Variants in RFX2 observed in about 807,000 individuals in gnomAD.
RFX2 encodes DNA-binding protein RFX2.
A neutral mutation model predicts 87.8 loss-of-function variants in RFX2; 20 were observed. The ratio of observed to expected loss-of-function variants is 0.23; its 90% CI spans 0.16 to 0.33. The LOEUF (loss-of-function observed/expected upper bound fraction) is 0.33. RFX2 is among the 10% of genes least tolerant of loss of function. The probability of loss-of-function intolerance (pLI) is 1.00; values close to 1 mark genes in which losing one functional copy is unlikely to be tolerated. For missense variants in RFX2, 767 were observed against 1,012.3 expected, an observed-to-expected ratio of 0.76 and a Z score of 3.29; for synonymous variants, 397 against 431.3, an observed-to-expected ratio of 0.92 and a Z score of 0.98.
intron 1 of RFX2, among the ~76,000 whole-genome samples, chr19:6,086,677 G>C (rs552537181): frequency 5.9e-5 from 9 of 152,346 alleles, no homozygotes; most frequent in Admixed American, 2.0e-4. Context: ...GAAGCTCACA[G>C]GAATTAGATG....
In RFX2 at chr19:6,061,511, G is replaced by A. The variant is rs540484199; in HGVS notation, c.-8-14007C>T. On this transcript the variant is annotated intron_variant, in intron 1 of 17. Coordinates refer to ENST00000303657, the MANE Select transcript of RFX2 (RefSeq NM_000635.4). This position sits in a 1 kb window ranked among gnomAD's most constrained non-coding sequence, Gnocchi z 5.2. The stretch of plus-strand genomic sequence containing the variant: ...AGACCTTGTCACCTGAAGACTGTCC[G>A]TAGGCAGGCAGAGAGCCCTGCCCCA... Among the ~76,000 whole-genome samples the A allele has an allele frequency of 9.5e-4, 145 of 152,320 alleles. 1 individual carries two copies. Among genetic ancestry groups the A allele is most frequent in the Non-Finnish European group, 1.4e-3 (93 of 68,020 alleles).
At chr19:6,067,206 C>A (rs538067995) in intron 1 of RFX2, among the ~76,000 whole-genome samples, 18 of 152,258 alleles carry the variant, frequency 1.2e-4, no homozygotes, top group Non-Finnish European at 2.2e-4. Flanking sequence ...CATAGCTGCA[C>A]AAGTGTTTTC....
intron 1 of RFX2, among the ~76,000 whole-genome samples, chr19:6,058,925 A>G (rs2087387898): frequency 6.6e-6 from 1 of 151,718 alleles, no homozygotes; most frequent in African/African-American, 2.4e-5. Flanking sequence ...GGCCTCCCCT[A>G]AGCCAGGGAC....
At chr19:6,093,076 G>A (rs945683551) in intron 1 of RFX2, among the ~76,000 whole-genome samples, 3 of 152,206 alleles carry the variant, frequency 2.0e-5, no homozygotes, top group African/African-American at 7.2e-5. Context: ...GAGCGCAGAT[G>A]TAAGTGGCGG....
chr19:6,080,074 C>G (rs1470373301), intron 1 of RFX2, among the ~76,000 whole-genome samples: 1 of 151,840 alleles, frequency 6.6e-6, no homozygotes, highest in Non-Finnish European at 1.5e-5. Context: ...GGGTCTTGCT[C>G]TGTTGCCTAG....
chr19:6,048,913 C>A (rs1466058364), intron 1 of RFX2, among the ~76,000 whole-genome samples: 1 of 150,712 alleles, frequency 6.6e-6, no homozygotes, highest in Non-Finnish European at 1.5e-5. Context: ...TTCGATGCCA[C>A]CCAGAGCCCC....
intron 5 of RFX2, among the ~76,000 whole-genome samples, chr19:6,036,482 C>T (rs901976428): frequency 1.3e-5 from 2 of 152,122 alleles, no homozygotes; most frequent in South Asian, 4.1e-4. Flanking sequence ...CCAGAACACA[C>T]CAGAACCAAA....
chr19:6,101,738 T>C lies in RFX2; in HGVS notation c.-9+8655A>G, dbSNP rs1599935191. Reference sequence around the variant, plus strand: ...GCAAGTCTAATCTTTCTGGTTGCCATTGGATCTCACTCTTCATGGTGCTCA... The same window carrying C: ...GCAAGTCTAATCTTTCTGGTTGCCACTGGATCTCACTCTTCATGGTGCTCA... On this transcript the variant is annotated intron_variant, in intron 1 of 17. Coordinates refer to ENST00000303657, the MANE Select transcript of RFX2 (RefSeq NM_000635.4). The surrounding 1 kb of genome is among the most constrained non-coding windows in gnomAD (Gnocchi z 4.9). Among the ~76,000 whole-genome samples the C allele has an allele frequency of 2.6e-5, 4 of 152,332 alleles. No individual in the cohort carries two copies.
chr19:6,026,454 AAGCCCGAG>A lies in RFX2; in HGVS notation c.523-225_523-218del. The A allele has an allele frequency of 1.7e-6, 1 of 589,486 alleles. No individual in the cohort carries two copies. The highest frequency in any genetic ancestry group is 3.0e-6 in the Non-Finnish European group (1 of 332,572). 36.5% of individuals were successfully genotyped at this position (589,486 alleles called of 1,614,324 possible). A position where few individuals can be genotyped will look rare whatever the true frequency, so the allele number is the denominator to read the frequency against. ...GGAGTGTTGCTTCGCACACGTAGGT[AAGCCCGAG>A]AGCCCGTCCAACAGAAGCAGCAGAA... On this transcript the variant is annotated intron_variant, in intron 5 of 17. Transcript: ENST00000303657. This position sits in a 1 kb window ranked among gnomAD's most constrained non-coding sequence, Gnocchi z 4.5.
At chr19:6,029,204 C>A (rs2086925747) in intron 5 of RFX2, among the ~76,000 whole-genome samples, 1 of 151,710 alleles carries the variant, frequency 6.6e-6, no homozygotes, top group Non-Finnish European at 1.5e-5. Context: ...TTCAGCGTCA[C>A]CATGTTAAAC....
At position 6,004,402 on chromosome 19, in the gene RFX2, A is replaced by C; in HGVS notation, c.1403-104T>G. 2 of 926,778 alleles carry C rather than the reference A, an allele frequency of 2.2e-6. No individual in the cohort carries two copies. Among genetic ancestry groups the C allele is most frequent in the Non-Finnish European group, 3.5e-6 (2 of 568,094 alleles). The allele number at this position is 926,778 out of a possible 1,614,324, so 57.4% of individuals were successfully genotyped here. A position where few individuals can be genotyped will look rare whatever the true frequency, so the allele number is the denominator to read the frequency against. On this transcript the variant is annotated intron_variant, in intron 12 of 17. Transcript: ENST00000303657. The surrounding 1 kb of genome is among the most constrained non-coding windows in gnomAD (Gnocchi z 4.8). ...TGGCCCAAGTGCGATGAAAATGACC[A>C]CCATGAAGAACGAGCCACACAGGCG...
At chr19:6,072,960 C>A in intron 1 of RFX2, 1 of 696,776 alleles carries the variant, frequency 1.4e-6, no homozygotes, top group Non-Finnish European at 2.5e-6. Context: ...ATAGGGTTTG[C>A]AGAAGGTTCA....
intron 2 of RFX2, among the ~76,000 whole-genome samples, chr19:6,046,134 C>G (rs1244399546): frequency 1.3e-5 from 2 of 152,212 alleles, no homozygotes; most frequent in African/African-American, 2.4e-5. Context: ...GTGCCATTCG[C>G]TTTGTATTTC....
intron 1 of RFX2, among the ~76,000 whole-genome samples, chr19:6,055,019 A>G (rs1202050281): frequency 6.6e-6 from 1 of 152,212 alleles, no homozygotes; most frequent in Non-Finnish European, 1.5e-5. Context: ...AACTCCTACA[A>G]TTCAATATAA....
chr19:6,069,880 C>G (rs980006794), intron 1 of RFX2, among the ~76,000 whole-genome samples: 1 of 152,242 alleles, frequency 6.6e-6, no homozygotes, highest in South Asian at 2.1e-4. Context: ...GAAGAGGAAA[C>G]TGAGAGCGGG....
rs569457342 is a variant in RFX2, at chr19:6,079,127, A to T, written c.-9+31266T>A. On this transcript the variant is annotated intron_variant, in intron 1 of 17. Coordinates refer to ENST00000303657, the MANE Select transcript of RFX2 (RefSeq NM_000635.4). ...GTAATTCATTGGTAAACATTCTAAG[A>T]CATGCAGGTTCCTGTAAATTACCAA... Among the ~76,000 whole-genome samples, 12 of 152,316 alleles carry T rather than the reference A, an allele frequency of 7.9e-5. No individual in the cohort carries two copies. In the South Asian group the frequency reaches 2.5e-3, roughly 32 times the overall value.
chr19:6,046,571 A>C (rs2087193183), intron 2 of RFX2, among the ~76,000 whole-genome samples: 1 of 151,322 alleles, frequency 6.6e-6, no homozygotes, highest in South Asian at 2.1e-4. Context: ...CCCAAAAAAA[A>C]AAAAAAATTC....
At chr19:6,043,010 G>C (rs905406568) in intron 3 of RFX2, among the ~76,000 whole-genome samples, 1 of 152,184 alleles carries the variant, frequency 6.6e-6, no homozygotes, top group Non-Finnish European at 1.5e-5. Context: ...GGGCTGACCT[G>C]CCCCTCCTTG....
chr19:5,996,834 C>CT (rs1391611721), intron 16 of RFX2, among the ~76,000 whole-genome samples: 2 of 152,264 alleles, frequency 1.3e-5, no homozygotes, highest in Non-Finnish European at 2.9e-5. Flanking sequence ...GCCCCAAATC[C>CT]TTCCCAGTGC....
Sources: allele counts gnomAD v4.1 joint callset (sites outside exome capture counted in the v4.1 genomes callset), GRCh38; gene constraint gnomAD v4.1.1; non-coding constraint Gnocchi (gnomAD v3.1); transcripts MANE v1.5; gene names NCBI Gene and HGNC (gene_info 2026-07-23, HGNC 2026-07-21).